DEF8: variants seen among roughly 807,000 people sequenced by gnomAD.
The protein encoded by DEF8 is differentially expressed in FDCP 8 homolog.
Under a neutral mutation model 59.1 loss-of-function variants are expected in DEF8, and 38 were observed. The ratio of observed to expected loss-of-function variants is 0.64; its 90% CI spans 0.50 to 0.84. The LOEUF is 0.84. Among genes scored for constraint, DEF8 ranks in the 40% least tolerant of loss-of-function variants. DEF8 has a pLI of 0.00. For missense variants in DEF8, 557 were observed against 615.2 expected (o/e 0.91, Z 1.00); for synonymous variants, 265 against 250.1 (o/e 1.06, Z -0.56).
chr16:89,960,676 G>A (rs1490389123), intron 6 of DEF8, among the ~76,000 whole-genome samples: 2 of 152,194 alleles, frequency 1.3e-5, no homozygotes, highest in African/African-American at 4.8e-5. Context: ...TGGGTCTGGT[G>A]GTGGGAGTGG....
At chr16:89,949,604 G>A in intron 2 of DEF8, 91 bp downstream of exon 2, 1 of 1,612,960 alleles carries the variant, frequency 6.2e-7, no homozygotes, top group Non-Finnish European at 8.5e-7. Context: ...ACCGCTTCCT[G>A]GTGGTCACGC....
chr16:89,955,150 TGTCCCC>T lies in DEF8; in HGVS notation c.125-15_125-10del, dbSNP rs1195679711. ...GAGGTAGCAGCTGACGCTCCACACC[TGTCCCC>T]GTCTTCCTCCAGAGGCCCTGCCTGA... On this transcript the variant is annotated splice_polypyrimidine_tract_variant and intron_variant, in intron 3 of 12. Transcript: ENST00000563594. 1.2e-6 allele frequency: 2 copies of T among 1,601,234 alleles called. No homozygotes were observed. The highest frequency in any genetic ancestry group is 3.3e-5 in the Admixed American group (2 of 59,972).
At chr16:89,948,935 TCGGCGGGGACGGGGCTGGGAGGGA>T (rs2031281361) in intron 1 of DEF8, 121 bp downstream of exon 1, 2 of 10,324 alleles carry the variant, frequency 1.9e-4, no homozygotes, top group Admixed American at 1.1e-3. Flanking sequence ...GGGGACGGGG[TCGGCGGGGACGGGGCTGGGAGGGA>T]CGGGGCCGGC....
intron 2 of DEF8, chr16:89,950,053 G>A: frequency 3.0e-6 from 3 of 1,001,096 alleles, no homozygotes; most frequent in Non-Finnish European, 3.6e-6. Context: ...AATAAAAGAT[G>A]CCTTTTTTCA....
intron 4 of DEF8, among the ~76,000 whole-genome samples, 175 bp downstream of exon 4, chr16:89,955,441 C>T (rs1291735538): frequency 6.6e-6 from 1 of 152,092 alleles, no homozygotes; most frequent in Non-Finnish European, 1.5e-5. Flanking sequence ...CTCCTGGCTT[C>T]GAATCTGAGG....
At chr16:89,957,771 C>T (rs967605281) in intron 5 of DEF8, 111 bp downstream of exon 5, 16 of 1,326,268 alleles carry the variant, frequency 1.2e-5, no homozygotes, top group African/African-American at 3.0e-5. Flanking sequence ...GTCTCTCTCT[C>T]GGCCTCAGGG....
Position 89,967,532 on chromosome 16 carries a change from G to T in DEF8, c.*1569G>T, listed in dbSNP as rs551824250. The T allele has an allele frequency of 7.5e-6, 3 of 398,568 alleles. No homozygotes were observed. Among genetic ancestry groups the T allele is most frequent in the Non-Finnish European group, 1.3e-5 (3 of 226,082 alleles). 24.7% of individuals were successfully genotyped at this position (398,568 alleles called of 1,614,324 possible). ...CCTACCTCAGGTGGAACGGTGAGCA[G>T]GGAACATGTCGGAGTCCTTCAGAGA... On this transcript the variant is annotated 3_prime_UTR_variant, in exon 13 of 13. Transcript: ENST00000563594.
At position 89,954,451 on chromosome 16, in the gene DEF8, G is replaced by T. The variant is rs1184990762; in HGVS notation, c.124+75G>T. The T allele has an allele frequency of 2.6e-6, 4 of 1,529,738 alleles. No homozygotes were observed. The African/African-American group carries it at 5.5e-5, about 21-fold the overall frequency. The allele number at this position is 1,529,738 out of a possible 1,614,324, so 94.8% of individuals were successfully genotyped here. A position where few individuals can be genotyped will look rare whatever the true frequency, so the allele number is the denominator to read the frequency against. On this transcript the variant is annotated intron_variant, in intron 3 of 12. Transcript: ENST00000563594. This position sits in a 1 kb window ranked among gnomAD's most constrained non-coding sequence, Gnocchi z 4.3. ...TTACGTGGACCCCTCCTTTCTTCCT[G>T]CCGCGTCCTGCGCAGCCCTGGCTTT...
rs117221240 is a variant in DEF8 at position 89,963,570 on chromosome 16, G to A, written c.1002+127G>A. 8.2e-5 allele frequency: 57 copies of A among 691,906 alleles called. No homozygotes were observed. The East Asian group carries it at 1.6e-3, about 19-fold the overall frequency. The allele number at this position is 691,906 out of a possible 1,614,324, so 42.9% of individuals were successfully genotyped here. A position where few individuals can be genotyped will look rare whatever the true frequency, so the allele number is the denominator to read the frequency against. On this transcript the variant is annotated intron_variant, in intron 10 of 12. Transcript: ENST00000563594. ...TTTAGCAGAGGGTCGCCTCACCACGGTCCCAAGGAACAAAGCAAACAGGTG... is the reference window on the plus strand; with the variant it reads ...TTTAGCAGAGGGTCGCCTCACCACGATCCCAAGGAACAAAGCAAACAGGTG...
chr16:89,958,997 T>C lies in DEF8; in HGVS notation c.373-17T>C. The C allele has an allele frequency of 6.2e-7, 1 of 1,608,478 alleles. No homozygotes were observed. ...CCCAGCTCACCTGTGACCCCCTCCC[T>C]GACTCACCCTCTGCAGGACCCCAAT... On this transcript the variant is annotated splice_polypyrimidine_tract_variant and intron_variant, in intron 5 of 12. Transcript: ENST00000563594.
In DEF8 at chr16:89,964,329, G is replaced by C; in HGVS notation, c.1143+19G>C. On this transcript the variant is annotated intron_variant, in intron 11 of 12. Coordinates refer to ENST00000563594, the MANE Select transcript of DEF8 (RefSeq NM_001242818.2). ...CTGCGAGGTGGGCCTCTGCCCGAGGGCCGCTCTTCTCCAACCCCAGCCCTG... is the reference window on the plus strand; with the variant it reads ...CTGCGAGGTGGGCCTCTGCCCGAGGCCCGCTCTTCTCCAACCCCAGCCCTG... 6.4e-7 allele frequency: 1 copy of C among 1,569,572 alleles called. No homozygotes were observed. The highest frequency in any genetic ancestry group is 8.6e-7 in the Non-Finnish European group (1 of 1,158,424).
rs745335098 is a variant in DEF8 at position 89,955,182 on chromosome 16, G to A, written c.138G>A (p.Glu46=). The change falls in exon 4 of 13, where the codon GAG becomes GAA. Residue 46 remains glutamate, a synonymous_variant. Transcript: ENST00000563594. The part of the protein sequence containing the change: ...PDVTPEEALP[E]LPPGEPEFRC... ...GTCTTCCTCCAGAGGCCCTGCCTGA[G>A]CTGCCCCCTGGGGAGCCGGAATTCC... 1 of 1,613,400 alleles carries A rather than the reference G, an allele frequency of 6.2e-7. No individual in the cohort carries two copies. Among genetic ancestry groups the A allele is most frequent in the Non-Finnish European group, 8.5e-7 (1 of 1,179,858 alleles).
chr16:89,963,266 C>G (rs1409741413), intron 9 of DEF8, 97 bp from the exon 10 acceptor site: 5 of 996,210 alleles, frequency 5.0e-6, no homozygotes, highest in Non-Finnish European at 7.4e-6. Flanking sequence ...GGGAACCAAC[C>G]CCTCCTGGCC....
In DEF8 at chr16:89,961,994, C is replaced by A; in HGVS notation, c.808-18C>A. The A allele has an allele frequency of 6.2e-7, 1 of 1,613,330 alleles. No homozygotes were observed. Among genetic ancestry groups the A allele is most frequent in the Non-Finnish European group, 8.5e-7 (1 of 1,179,644 alleles). On this transcript the variant is annotated intron_variant, in intron 8 of 12. Transcript: ENST00000563594. Reference sequence around the variant, plus strand: ...CCCTGGGTGGGTGTGAGAGGTGTCACCCGGCCGTGCCTGGCAGGTTTCTCG... The same window carrying A: ...CCCTGGGTGGGTGTGAGAGGTGTCAACCGGCCGTGCCTGGCAGGTTTCTCG...
chr16:89,952,077 A>C (rs58378406), intron 2 of DEF8, among the ~76,000 whole-genome samples: 4,582 of 152,052 alleles, frequency 0.03, 233 homozygotes, highest in African/African-American at 0.1. Flanking sequence ...CAGGGTTTCA[A>C]TGTGTTAGCC....
intron 2 of DEF8, among the ~76,000 whole-genome samples, chr16:89,951,568 C>T (rs972201267): frequency 6.6e-5 from 10 of 151,976 alleles, no homozygotes; most frequent in East Asian, 1.9e-4. Context: ...CTACTTTGGC[C>T]GCAAGAGACA....
rs547201028 is a variant in DEF8, at chr16:89,952,166, G to T, written c.-10-2077G>T. Among the ~76,000 whole-genome samples, 7 of 152,300 alleles carry T rather than the reference G, an allele frequency of 4.6e-5. No homozygotes were observed. The South Asian group carries it at 1.4e-3, about 32-fold the overall frequency. On this transcript the variant is annotated intron_variant, in intron 2 of 12. Coordinates refer to ENST00000563594, the MANE Select transcript of DEF8 (RefSeq NM_001242818.2). ...TGCTGGGATTACAGGCGTGAGCCAC[G>T]GCGCCCAGCCCATATTTGTATAAAA... is the stretch of plus-strand genomic sequence containing the variant.
chr16:89,958,994 C>A lies in DEF8; in HGVS notation c.373-20C>A. On this transcript the variant is annotated intron_variant, in intron 5 of 12. Transcript: ENST00000563594. ...CAGCCCAGCTCACCTGTGACCCCCTCCCTGACTCACCCTCTGCAGGACCCC... is the reference window on the plus strand; with the variant it reads ...CAGCCCAGCTCACCTGTGACCCCCTACCTGACTCACCCTCTGCAGGACCCC... 2 of 1,607,740 alleles carry A rather than the reference C, an allele frequency of 1.2e-6. No individual in the cohort carries two copies. Among genetic ancestry groups the A allele is most frequent in the Non-Finnish European group, 1.7e-6 (2 of 1,179,664 alleles).
rs753329356 is a variant in DEF8, at chr16:89,954,201, C to A, written c.-10-42C>A. On this transcript the variant is annotated intron_variant, in intron 2 of 12. Coordinates refer to ENST00000563594, the MANE Select transcript of DEF8 (RefSeq NM_001242818.2). The surrounding 1 kb of genome is among the most constrained non-coding windows in gnomAD (Gnocchi z 4.3). ...GGGAAAGGGGGTGGTCCGTGGTGAG[C>A]CTGGTACCTGGGGACTCATCCTGGC... 1.6e-5 allele frequency: 25 copies of A among 1,599,726 alleles called. No individual in the cohort carries two copies. In the Middle Eastern group the frequency reaches 9.1e-4, roughly 58 times the overall value.
Sources: allele counts gnomAD v4.1 joint callset (sites outside exome capture counted in the v4.1 genomes callset), GRCh38; gene constraint gnomAD v4.1.1; non-coding constraint Gnocchi (gnomAD v3.1); transcripts MANE v1.5; gene names NCBI Gene and HGNC (gene_info 2026-07-23, HGNC 2026-07-21).